RAB31: variants seen among roughly 807,000 people sequenced by gnomAD.
The protein encoded by RAB31 is ras-related protein Rab-31.
Under a neutral mutation model 25.6 loss-of-function variants are expected in RAB31, and 21 were observed. That is an observed-to-expected ratio of 0.82 (90% CI 0.58 to 1.18). The LOEUF (loss-of-function observed/expected upper bound fraction) is 1.18, where lower values mean the gene tolerates loss of function less well. RAB31 is among the 50% of genes most tolerant of loss of function. The probability of loss-of-function intolerance (pLI) is 0.00; values close to 1 mark genes in which losing one functional copy is unlikely to be tolerated. For synonymous variants in RAB31, 87 were observed against 84.0 expected, an observed-to-expected ratio of 1.04 and a Z score of -0.20; for missense variants, 196 against 250.1, an observed-to-expected ratio of 0.78 and a Z score of 1.46.
chr18:9,726,654 G>C (rs981250070), intron 1 of RAB31, among the ~76,000 whole-genome samples: 1 of 152,078 alleles, frequency 6.6e-6, no homozygotes, highest in Non-Finnish European at 1.5e-5. Context: ...ACTTTGCTAC[G>C]GGGTCTGGCA....
chr18:9,853,624 C>T (rs1369578656), intron 6 of RAB31, among the ~76,000 whole-genome samples: 1 of 152,134 alleles, frequency 6.6e-6, no homozygotes. Context: ...ACATGTTTAT[C>T]AAAACCCATA....
chr18:9,802,898 A>G (rs1198884817), intron 3 of RAB31, among the ~76,000 whole-genome samples: 3 of 152,230 alleles, frequency 2.0e-5, no homozygotes, highest in Admixed American at 1.3e-4. Context: ...GGGCCCCAAC[A>G]TCTATGGTCA....
At chr18:9,814,796 G>A (rs1445003147) in intron 4 of RAB31, 8 of 205,414 alleles carry the variant, frequency 3.9e-5, no homozygotes, top group Non-Finnish European at 6.9e-5. Context: ...GTGTAAGCAT[G>A]AGCATTTACT....
intron 6 of RAB31, among the ~76,000 whole-genome samples, chr18:9,848,200 G>C (rs2068770964): frequency 6.6e-6 from 1 of 152,064 alleles, no homozygotes. Context: ...CTATCCATCT[G>C]TCTGTCTATC....
At chr18:9,749,776 C>T (rs1416371529) in intron 1 of RAB31, among the ~76,000 whole-genome samples, 1 of 152,166 alleles carries the variant, frequency 6.6e-6, no homozygotes, top group South Asian at 2.1e-4. Flanking sequence ...GCTTGGACTG[C>T]ACACAACAGT....
At chr18:9,771,549 T>A (rs553739502) in intron 1 of RAB31, among the ~76,000 whole-genome samples, 38 of 152,310 alleles carry the variant, frequency 2.5e-4, no homozygotes, top group African/African-American at 8.7e-4. Flanking sequence ...CCTGGCACTT[T>A]CCTTGTGTGT....
At chr18:9,709,673 G>A (rs1397645865) in intron 1 of RAB31, among the ~76,000 whole-genome samples, 1 of 152,188 alleles carries the variant, frequency 6.6e-6, no homozygotes, top group Non-Finnish European at 1.5e-5. Context: ...GAATTCCAGA[G>A]GATCTGGGAA....
At chr18:9,802,356 TG>T (rs2068518197) in intron 3 of RAB31, among the ~76,000 whole-genome samples, 1 of 152,194 alleles carries the variant, frequency 6.6e-6, no homozygotes, top group African/African-American at 2.4e-5. Flanking sequence ...AGGTTAGAAA[TG>T]CTGACCTCAG....
intron 3 of RAB31, among the ~76,000 whole-genome samples, chr18:9,798,679 T>C (rs4798861): frequency 0.24 from 36,093 of 151,844 alleles, 4,370 homozygotes; most frequent in South Asian, 0.35. Context: ...AGTGCAGTGA[T>C]GCAATCATAG....
In RAB31 at chr18:9,828,858, C is replaced by A. The variant is rs143961451; in HGVS notation, c.380+13636C>A. The stretch of plus-strand genomic sequence containing the variant: ...GAAAAATCATGGCAAGTGTTAAATG[C>A]ACGATGCGTTTTCCTTATGTGAGAT... On this transcript the variant is annotated intron_variant, in intron 5 of 6. Transcript: ENST00000578921. Among the ~76,000 whole-genome samples, 161 of 152,246 alleles carry A rather than the reference C, an allele frequency of 1.1e-3. 1 individual carries two copies. The highest frequency in any genetic ancestry group is 1.7e-3 in the Non-Finnish European group (114 of 68,012).
chr18:9,835,792 A>C lies in RAB31; in HGVS notation c.381-9790A>C, dbSNP rs1270943806. ...AGGTAAAAATCCAAGTGTCTGTAAG[A>C]ACTAGCATTTTAAACAGAGATTTTG... On this transcript the variant is annotated intron_variant, in intron 5 of 6. Coordinates refer to ENST00000578921, the MANE Select transcript of RAB31 (RefSeq NM_006868.4). Among the ~76,000 whole-genome samples, 3 of 152,162 alleles carry C rather than the reference A, an allele frequency of 2.0e-5. No individual in the cohort carries two copies. The East Asian group carries it at 5.8e-4, about 29-fold the overall frequency.
chr18:9,823,324 G>T (rs1336837549), intron 5 of RAB31, among the ~76,000 whole-genome samples: 1 of 152,142 alleles, frequency 6.6e-6, no homozygotes, highest in Non-Finnish European at 1.5e-5. Context: ...TGTCGGCACT[G>T]CTTGGTATCT....
intron 1 of RAB31, among the ~76,000 whole-genome samples, chr18:9,761,684 G>T (rs1481221806): frequency 6.6e-6 from 1 of 152,184 alleles, no homozygotes; most frequent in Non-Finnish European, 1.5e-5. Flanking sequence ...TTGTATATGT[G>T]CCCTGAGGCC....
chr18:9,857,163 T>A (rs2068820253), intron 6 of RAB31, among the ~76,000 whole-genome samples: 1 of 152,206 alleles, frequency 6.6e-6, no homozygotes. Context: ...ACTTTTCATT[T>A]GCTTCATCAT....
intron 1 of RAB31, among the ~76,000 whole-genome samples, chr18:9,751,228 A>G (rs2068233636): frequency 1.3e-5 from 2 of 151,892 alleles, no homozygotes; most frequent in Admixed American, 1.3e-4. Context: ...TTTTGTAGTG[A>G]TGAGGTCTTG....
At chr18:9,737,135 C>A (rs1392825066) in intron 1 of RAB31, among the ~76,000 whole-genome samples, 4 of 152,166 alleles carry the variant, frequency 2.6e-5, no homozygotes, top group African/African-American at 9.7e-5. Context: ...ATGACAGATT[C>A]TGCCCCTGCG....
chr18:9,776,982 A>G (rs2068375396), intron 2 of RAB31, among the ~76,000 whole-genome samples: 1 of 152,080 alleles, frequency 6.6e-6, no homozygotes, highest in African/African-American at 2.4e-5. Flanking sequence ...GATATTTCAG[A>G]TTTTGGAATT....
chr18:9,749,100 T>C (rs574021294), intron 1 of RAB31, among the ~76,000 whole-genome samples: 1 of 152,236 alleles, frequency 6.6e-6, no homozygotes, highest in Non-Finnish European at 1.5e-5. Flanking sequence ...GAGGCATCAT[T>C]ACAGATTTGC....
intron 6 of RAB31, among the ~76,000 whole-genome samples, chr18:9,854,761 T>C (rs111332035): frequency 0.014 from 2,066 of 152,326 alleles, 51 homozygotes; most frequent in African/African-American, 0.046. Flanking sequence ...CGATGTTCCA[T>C]GATCGTGAGT....
Sources: gnomAD v4.1 joint callset for allele counts (sites outside exome capture counted in the v4.1 genomes callset) on GRCh38, gnomAD v4.1.1 for gene constraint, MANE v1.5 for transcripts, NCBI Gene and HGNC (gene_info 2026-07-23, HGNC 2026-07-21) for gene names.